The following C6orf132 variants were observed in gnomAD, a reference collection of about 807,000 sequenced individuals.
C6orf132 encodes the protein chromosome 6 open reading frame 132, also known as uncharacterized protein C6orf132.
Under a neutral mutation model 65.3 loss-of-function variants are expected in C6orf132, and 43 were observed. That is an observed-to-expected ratio of 0.66 (90% CI 0.52 to 0.85). The LOEUF (loss-of-function observed/expected upper bound fraction) is 0.85, where lower values mean the gene tolerates loss of function less well. Among genes scored for constraint, C6orf132 ranks in the 40% least tolerant of loss-of-function variants. The pLI, the probability that C6orf132 is intolerant of heterozygous loss-of-function variation, is 0.00. For synonymous variants in C6orf132, 631 were observed against 654.1 expected, an observed-to-expected ratio of 0.96 and a Z score of 0.54; for missense variants, 1,488 against 1,548.8, an observed-to-expected ratio of 0.96 and a Z score of 0.66.
At chr6:42,139,378 C>CCAA (rs10671275) in intron 1 of C6orf132, among the ~76,000 whole-genome samples, 42,667 of 151,984 alleles carry the variant, frequency 0.28, 6,194 homozygotes, top group African/African-American at 0.36. Flanking sequence ...TGGGAACGAT[C>CCAA]CAATAATAAA....
chr6:42,113,401 T>C lies in C6orf132; in HGVS notation c.253-3110A>G, dbSNP rs572935726. 2.6e-5 allele frequency among the ~76,000 whole-genome samples: 4 copies of C among 152,310 alleles called. No homozygotes were observed. The East Asian group carries it at 7.7e-4, about 29-fold the overall frequency. The stretch of plus-strand genomic sequence containing the variant: ...CATTGTCCAGGCTCCTCCTGTGCAA[T>C]AGCCCTATACTAAGAGTGTGACCGG... On this transcript the variant is annotated intron_variant, in intron 2 of 4. Transcript: ENST00000341865.
intron 1 of C6orf132, among the ~76,000 whole-genome samples, chr6:42,138,850 A>AACAC (rs59373265): frequency 0.028 from 3,956 of 142,836 alleles, 88 homozygotes; most frequent in African/African-American, 0.055. Context: ...CATGCATTTA[A>AACAC]ACACACACAC....
intron 2 of C6orf132, among the ~76,000 whole-genome samples, chr6:42,120,976 G>A (rs75322568): frequency 0.06 from 9,089 of 152,184 alleles, 685 homozygotes; most frequent in African/African-American, 0.18. Context: ...TTAGGAGTCA[G>A]GCAGACCAGA....
At position 42,105,169 on chromosome 6, in the gene C6orf132, T is replaced by A; in HGVS notation, c.2743A>T (p.Lys915Ter). ...TCTCTTCCCAGCCGCGGCCCCCACT[T>A]ATTGGGTATTTCGGTCGTCAGCGGG... Reference protein sequence around the residue: ...DSPLTTEIPNKWGPRLGRDAE... With the variant: ...DSPLTTEIPN The change falls in exon 4 of 5, where the codon AAG (lysine) becomes TAG (stop). Residue 915 changes from lysine to a stop codon, truncating the protein, a stop_gained. Transcript: ENST00000341865. LOFTEE classifies it high-confidence loss of function. 1 of 1,536,934 alleles carries A rather than the reference T, an allele frequency of 6.5e-7. No homozygotes were observed. The highest frequency in any genetic ancestry group is 8.7e-7 in the Non-Finnish European group (1 of 1,146,782).
At chr6:42,120,595 T>A (rs1270580108) in intron 2 of C6orf132, among the ~76,000 whole-genome samples, 2 of 147,118 alleles carry the variant, frequency 1.4e-5, no homozygotes, top group Non-Finnish European at 3.0e-5. Context: ...AAAAAAAAAA[T>A]ACCCAATACA....
In C6orf132 at chr6:42,142,590, G is replaced by A; in HGVS notation, c.-146C>T. On this transcript the variant is annotated 5_prime_UTR_variant, in exon 1 of 5. Transcript: ENST00000341865. ...TCCCCGCCCGCGCACCGGGCAACAG[G>A]TGCTGCGGGCGCCGCCGCTTGCCGG... 1.5e-6 allele frequency: 1 copy of A among 674,400 alleles called. No homozygotes were observed. Among genetic ancestry groups the A allele is most frequent in the Non-Finnish European group, 2.2e-6 (1 of 463,016 alleles). 41.8% of individuals were successfully genotyped at this position (674,400 alleles called of 1,614,324 possible). A position where few individuals can be genotyped will look rare whatever the true frequency, so the allele number is the denominator to read the frequency against.
At position 42,107,363 on chromosome 6, in the gene C6orf132, CGGGG is replaced by C; in HGVS notation, c.545_548del (p.Pro182ArgfsTer42). 1 of 245,662 alleles carries C rather than the reference CGGGG, an allele frequency of 4.1e-6. No homozygotes were observed. The highest frequency in any genetic ancestry group is 7.1e-6 in the Non-Finnish European group (1 of 140,140). The allele number at this position is 245,662 out of a possible 1,614,324, so 15.2% of individuals were successfully genotyped here. ...GGGGTGGAGGTGGGGCCATGCTGGG[CGGGG>C]GTGGGGGTTCCAGCAGCAGGGGAGG... On this transcript the variant is annotated frameshift_variant, in exon 4 of 5. Coordinates refer to ENST00000341865, the MANE Select transcript of C6orf132 (RefSeq NM_001164446.3). LOFTEE classifies it high-confidence loss of function.
Position 42,106,660 on chromosome 6 carries a change from G to C in C6orf132, c.1252C>G (p.Pro418Ala), listed in dbSNP as rs953690810. The C allele has an allele frequency of 1.2e-5, 18 of 1,498,878 alleles. No individual in the cohort carries two copies. In the African/African-American group the frequency reaches 2.4e-4, roughly 20 times the overall value. 92.8% of individuals were successfully genotyped at this position (1,498,878 alleles called of 1,614,324 possible). Residue 418 changes from proline (P) to alanine (A), a missense_variant, in exon 4 of 5, where the codon CCC (proline) becomes GCC (alanine). Physicochemically the swap from Pro to Ala is conservative, Grantham distance 27. Coordinates refer to ENST00000341865, the MANE Select transcript of C6orf132 (RefSeq NM_001164446.3). ...GGATGGGCTGCCTTCTGAGCACAGGGCAAAGGAGGTGCAGCTGGGGGAAGT... is the reference window on the plus strand; with the variant it reads ...GGATGGGCTGCCTTCTGAGCACAGGCCAAAGGAGGTGCAGCTGGGGGAAGT... ...PPLPPAAPPL[P>A]CAQKAAHPPA... is the part of the protein sequence containing the mutation.
intron 1 of C6orf132, among the ~76,000 whole-genome samples, chr6:42,138,850 A>AACACGC (rs1554183405): frequency 2.8e-5 from 4 of 142,748 alleles, no homozygotes; most frequent in African/African-American, 5.2e-5. Flanking sequence ...CATGCATTTA[A>AACACGC]ACACACACAC....
chr6:42,111,412 C>G (rs1180281774), intron 2 of C6orf132, among the ~76,000 whole-genome samples: 1 of 151,590 alleles, frequency 6.6e-6, no homozygotes. Flanking sequence ...TCCCGAGTAG[C>G]TGGGATTACA....
intron 2 of C6orf132, among the ~76,000 whole-genome samples, chr6:42,114,183 C>T (rs1267762445): frequency 2.0e-5 from 3 of 152,284 alleles, no homozygotes; most frequent in African/African-American, 4.8e-5. Context: ...ATCTCTGGAG[C>T]GGCTTGTAAC....
intron 2 of C6orf132, among the ~76,000 whole-genome samples, chr6:42,122,965 A>G (rs1766710465): frequency 6.6e-6 from 1 of 152,156 alleles, no homozygotes; most frequent in South Asian, 2.1e-4. Flanking sequence ...ACTGGCATTT[A>G]ATTTTTAATT....
In C6orf132 at chr6:42,110,286, G is replaced by T; in HGVS notation, c.258C>A (p.Ala86=). The change falls in exon 3 of 5, where the codon GCC becomes GCA. Residue 86 remains alanine (A), a synonymous_variant. Transcript: ENST00000341865. ...RPLLTFLPLN[A]QENHGLAVPT... ...GCACAGCCAGCCCATGGTTTTCCTGGGCATTCTGAAAGAGACCAGAAAGAA... is the reference window on the plus strand; with the variant it reads ...GCACAGCCAGCCCATGGTTTTCCTGTGCATTCTGAAAGAGACCAGAAAGAA... The T allele has an allele frequency of 6.5e-7, 1 of 1,547,868 alleles. No homozygotes were observed. The highest frequency in any genetic ancestry group is 8.7e-7 in the Non-Finnish European group (1 of 1,145,580).
chr6:42,101,381 G>GT lies in C6orf132; in HGVS notation c.*2379dup, dbSNP rs1327009007. 3 of 152,138 alleles carry GT rather than the reference G, an allele frequency of 2.0e-5. No homozygotes were observed. The highest frequency in any genetic ancestry group is 7.2e-5 in the African/African-American group (3 of 41,430). The allele number at this position is 152,138 out of a possible 1,614,324, so 9.4% of individuals were successfully genotyped here. On this transcript the variant is annotated 3_prime_UTR_variant, in exon 5 of 5. Transcript: ENST00000341865. ...CTTACTACTCCTTGTAATTTATGAT[G>GT]TTTTTGTGTGCTTTTTCAATCCTCT...
In C6orf132 at chr6:42,107,345, AGGTGGGGCCATGCTGGGCGGGGGTGGG is replaced by A; in HGVS notation, c.540_566del (p.Pro184_Pro192del). The A allele has an allele frequency of 2.0e-6, 1 of 504,334 alleles. No individual in the cohort carries two copies. The highest frequency in any genetic ancestry group is 7.7e-5 in the African/African-American group (1 of 13,022). 31.2% of individuals were successfully genotyped at this position (504,334 alleles called of 1,614,324 possible). On this transcript the variant is annotated inframe_deletion, in exon 4 of 5. Transcript: ENST00000341865. ...ATAGGGCCTCCAATACTGGGGGTGG[AGGTGGGGCCATGCTGGGCGGGGGTGGG>A]GGTTCCAGCAGCAGGGGAGGTGGTG...
In C6orf132 at chr6:42,104,508, T is replaced by C; in HGVS notation, c.3404A>G (p.Lys1135Arg). The change falls in exon 4 of 5, where the codon AAA (lysine) becomes AGA (arginine). Residue 1135 changes from lysine to arginine, a missense_variant. Physicochemically the swap from Lys to Arg is conservative, Grantham distance 26. Transcript: ENST00000341865. The surrounding 1 kb of genome is among the most constrained non-coding windows in gnomAD (Gnocchi z 4.1). ...AARGAAEAKH[K>R]APGSADYGFA... ...GCCGTAGTCGGCGCTGCCGGGCGCTTTGTGCTTGGCCTCCGCGGCGCCCCG... is the reference window on the plus strand; with the variant it reads ...GCCGTAGTCGGCGCTGCCGGGCGCTCTGTGCTTGGCCTCCGCGGCGCCCCG... The C allele has an allele frequency of 2.4e-6, 3 of 1,232,482 alleles. No individual in the cohort carries two copies. The highest frequency in any genetic ancestry group is 3.0e-6 in the Non-Finnish European group (3 of 988,730). The allele number at this position is 1,232,482 out of a possible 1,614,324, so 76.3% of individuals were successfully genotyped here.
At chr6:42,132,884 GA>G (rs1562041942) in intron 1 of C6orf132, among the ~76,000 whole-genome samples, 1 of 150,584 alleles carries the variant, frequency 6.6e-6, no homozygotes, top group Non-Finnish European at 1.5e-5. Context: ...GAAAAGAAAA[GA>G]AAAGAAAAGG....
intron 3 of C6orf132, among the ~76,000 whole-genome samples, chr6:42,109,121 G>A (rs1766458762): frequency 6.6e-6 from 1 of 152,144 alleles, no homozygotes; most frequent in Non-Finnish European, 1.5e-5. Context: ...CAGGGGAGGG[G>A]TGCAGCAGGT....
intron 2 of C6orf132, 132 bp from the exon 3 acceptor site, chr6:42,110,423 T>C (rs1242344957): frequency 2.3e-5 from 14 of 613,428 alleles, no homozygotes; most frequent in Middle Eastern, 2.6e-4. Context: ...CTTGTGCATA[T>C]ACCAAAATAT....
Sources: allele counts gnomAD v4.1 joint callset (sites outside exome capture counted in the v4.1 genomes callset), GRCh38; gene constraint gnomAD v4.1.1; non-coding constraint Gnocchi (gnomAD v3.1); transcripts MANE v1.5; gene names NCBI Gene and HGNC (gene_info 2026-07-23, HGNC 2026-07-21).